The following MAPRE2 variants were observed in gnomAD, a reference collection of about 807,000 sequenced individuals.
The protein encoded by MAPRE2 is microtubule associated protein RP/EB family member 2.
Under a neutral mutation model 43.2 loss-of-function variants are expected in MAPRE2, and 13 were observed. The ratio of observed to expected loss-of-function variants is 0.30; its 90% confidence interval spans 0.20 to 0.48. The LOEUF is 0.48. MAPRE2 is among the 20% of genes least tolerant of loss of function. The probability of loss-of-function intolerance (pLI) is 0.99; values close to 1 mark genes in which losing one functional copy is unlikely to be tolerated. For missense variants in MAPRE2, 161 were observed against 400.2 expected, an observed-to-expected ratio of 0.40 and a Z score of 5.10; for synonymous variants, 135 against 148.8, an observed-to-expected ratio of 0.91 and a Z score of 0.68.
At chr18:35,082,754 A>AT (rs774171818) in intron 2 of MAPRE2, among the ~76,000 whole-genome samples, 3 of 151,872 alleles carry the variant, frequency 2.0e-5, no homozygotes, top group Non-Finnish European at 2.9e-5. Context: ...GTTTGGCTTG[A>AT]TTTTATGTGT....
intron 2 of MAPRE2, among the ~76,000 whole-genome samples, chr18:35,011,342 G>C (rs574861422): frequency 2.0e-5 from 3 of 152,170 alleles, no homozygotes; most frequent in African/African-American, 7.2e-5. Context: ...AAATTGTTTG[G>C]GCAGAAAGAG....
chr18:35,075,270 C>T (rs760854731), intron 2 of MAPRE2, among the ~76,000 whole-genome samples: 5 of 152,234 alleles, frequency 3.3e-5, no homozygotes, highest in African/African-American at 4.8e-5. Flanking sequence ...TGATGGCCAT[C>T]ATTCCTGAGC....
intron 1 of MAPRE2, among the ~76,000 whole-genome samples, chr18:34,982,904 A>T (rs1603385722): frequency 6.6e-6 from 1 of 152,354 alleles, no homozygotes; most frequent in African/African-American, 2.4e-5. Flanking sequence ...ATACTAGAGG[A>T]CACTTGAAAA....
At position 35,010,108 on chromosome 18, in the gene MAPRE2, A is replaced by G. The variant is rs77446869; in HGVS notation, c.-8+4555A>G. Among the ~76,000 whole-genome samples the G allele has an allele frequency of 7.4e-3, 1,124 of 152,324 alleles. 10 individuals carry two copies. The highest frequency in any genetic ancestry group is 0.025 in the African/African-American group (1,029 of 41,566). ...CAATTTTTAATTAAAATTTTAATTT[A>G]GACCATGGTAGGTCACGCCTGTAAT... On this transcript the variant is annotated intron_variant, in intron 2 of 7. Coordinates refer to the MAPRE2 transcript ENST00000413393.
intron 1 of MAPRE2, among the ~76,000 whole-genome samples, chr18:35,041,936 C>T (rs574322104): frequency 2.6e-5 from 4 of 152,346 alleles, no homozygotes; most frequent in African/African-American, 7.2e-5. Flanking sequence ...AAAATGCATG[C>T]TGTTTTCCCC....
At chr18:34,988,994 C>T (rs951153616) in intron 1 of MAPRE2, 4 of 152,024 alleles carry the variant, frequency 2.6e-5, no homozygotes, top group Non-Finnish European at 1.5e-5. Flanking sequence ...TCATACAACC[C>T]CAAATTGGAA....
intron 1 of MAPRE2, among the ~76,000 whole-genome samples, chr18:34,987,054 AG>A (rs2097021382): frequency 6.6e-6 from 1 of 152,160 alleles, no homozygotes; most frequent in Admixed American, 6.6e-5. Context: ...CATTAACTGA[AG>A]TTTTTTTGCA....
chr18:34,994,652 A>G (rs1487599971), intron 1 of MAPRE2, among the ~76,000 whole-genome samples: 1 of 152,180 alleles, frequency 6.6e-6, no homozygotes, highest in Non-Finnish European at 1.5e-5. Context: ...CTATTGTAAT[A>G]TTTTATATCC....
chr18:35,050,603 T>C (rs531896322), intron 1 of MAPRE2, among the ~76,000 whole-genome samples: 7 of 152,196 alleles, frequency 4.6e-5, no homozygotes, highest in Non-Finnish European at 8.8e-5. Context: ...AATATCCTCT[T>C]TGCATTTTTG....
chr18:34,999,015 T>TA (rs2097028020), intron 1 of MAPRE2, among the ~76,000 whole-genome samples: 1 of 152,052 alleles, frequency 6.6e-6, no homozygotes, highest in South Asian at 2.1e-4. Flanking sequence ...TTACAGACTA[T>TA]AAAAACAGCA....
chr18:34,978,414 C>G lies in MAPRE2; in HGVS notation c.-70+1335C>G, dbSNP rs2150567717. 3 of 1,038,458 alleles carry G rather than the reference C, an allele frequency of 2.9e-6. No homozygotes were observed. The Middle Eastern group carries it at 6.0e-4, about 206-fold the overall frequency. 64.3% of individuals were successfully genotyped at this position (1,038,458 alleles called of 1,614,324 possible). A position where few individuals can be genotyped will look rare whatever the true frequency, so the allele number is the denominator to read the frequency against. The stretch of plus-strand genomic sequence containing the variant: ...CTGCGAGGCGGAGGTTCGGTCCCAG[C>G]TGGGGTGAAGTGTGCAGACCGGTTG... On this transcript the variant is annotated intron_variant, in intron 1 of 7. Coordinates refer to the MAPRE2 transcript ENST00000413393.
chr18:35,130,600 G>A (rs1910103000), intron 5 of MAPRE2, among the ~76,000 whole-genome samples: 2 of 152,144 alleles, frequency 1.3e-5, no homozygotes, highest in Admixed American at 1.3e-4. Flanking sequence ...CATTCCAAAT[G>A]TAATTTTTTG....
intron 1 of MAPRE2, among the ~76,000 whole-genome samples, chr18:35,004,534 C>T (rs1159848716): frequency 6.6e-6 from 1 of 152,214 alleles, no homozygotes; most frequent in Non-Finnish European, 1.5e-5. Flanking sequence ...TTCTTAGCCT[C>T]CAGAATTGGA....
At chr18:35,018,426 G>A (rs1051746720) in intron 2 of MAPRE2, among the ~76,000 whole-genome samples, 7 of 150,546 alleles carry the variant, frequency 4.6e-5, no homozygotes, top group South Asian at 2.1e-4. Context: ...CTGTGAATCC[G>A]TCTGGCCCAG....
intron 2 of MAPRE2, among the ~76,000 whole-genome samples, chr18:35,092,694 A>G (rs889546720): frequency 6.6e-6 from 1 of 152,206 alleles, no homozygotes; most frequent in Non-Finnish European, 1.5e-5. Context: ...AATGGAAGAA[A>G]ATATGTGCAA....
At chr18:35,080,531 G>T (rs1443774740) in intron 2 of MAPRE2, among the ~76,000 whole-genome samples, 1 of 152,156 alleles carries the variant, frequency 6.6e-6, no homozygotes, top group Non-Finnish European at 1.5e-5. Flanking sequence ...GTCTGTACAT[G>T]GAAACATCTG....
intron 2 of MAPRE2, among the ~76,000 whole-genome samples, chr18:35,071,868 G>A (rs376753853): frequency 3.9e-5 from 6 of 152,164 alleles, no homozygotes; most frequent in Non-Finnish European, 5.9e-5. Context: ...GAACTTAGGC[G>A]TTGCCTCACT....
At chr18:35,127,198 T>C in intron 5 of MAPRE2, 111 bp downstream of exon 5, 1 of 1,120,130 alleles carries the variant, frequency 8.9e-7, no homozygotes, top group South Asian at 1.5e-5. Context: ...GGAAGAATCC[T>C]TGGTTTCAAG....
chr18:35,097,610 C>T lies in MAPRE2; in HGVS notation c.396+19C>T, dbSNP rs551572697. 2.5e-6 allele frequency: 4 copies of T among 1,593,954 alleles called. No homozygotes were observed. Among genetic ancestry groups the T allele is most frequent in the Non-Finnish European group, 3.4e-6 (4 of 1,171,084 alleles). On this transcript the variant is annotated intron_variant, in intron 3 of 6. Coordinates refer to ENST00000300249, the MANE Select transcript of MAPRE2 (RefSeq NM_014268.4). Reference sequence around the variant, plus strand: ...TGATAAGGTAGGAGACTTGTACCTCCATAAAATGTGTTGTTTTTTCTTAAA... The same window carrying T: ...TGATAAGGTAGGAGACTTGTACCTCTATAAAATGTGTTGTTTTTTCTTAAA...
Sources: gnomAD v4.1 joint callset for allele counts (sites outside exome capture counted in the v4.1 genomes callset) on GRCh38, gnomAD v4.1.1 for gene constraint, MANE v1.5 for transcripts, NCBI Gene and HGNC (gene_info 2026-07-23, HGNC 2026-07-21) for gene names.